Variants in PHACTR2 observed in about 807,000 individuals in gnomAD.
The protein encoded by PHACTR2 is phosphatase and actin regulator 2.
Under a neutral mutation model 76.0 loss-of-function variants are expected in PHACTR2, and 30 were observed. The observed-to-expected ratio is 0.39, with a 90% CI of 0.30 to 0.54. The LOEUF (loss-of-function observed/expected upper bound fraction) is 0.54, where lower values mean the gene tolerates loss of function less well. Among genes scored for constraint, PHACTR2 ranks in the 20% least tolerant of loss-of-function variants. The pLI is 0.61. For missense variants in PHACTR2, 696 were observed against 781.1 expected (o/e 0.89, Z 1.30); for synonymous variants, 292 against 292.5 (o/e 1.00, Z 0.02).
At chr6:143,721,827 A>G (rs1778451162) in intron 2 of PHACTR2, among the ~76,000 whole-genome samples, 1 of 152,112 alleles carries the variant, frequency 6.6e-6, no homozygotes, top group African/African-American at 2.4e-5. Context: ...GGCCCAGTGC[A>G]GGTGTGTGCT....
Position 143,621,832 on chromosome 6 carries a change from C to T in PHACTR2, c.13+13510C>T, listed in dbSNP as rs1776160544. 6.6e-6 allele frequency among the ~76,000 whole-genome samples: 1 copy of T among 152,192 alleles called. No individual in the cohort carries two copies. The highest frequency in any genetic ancestry group is 1.5e-5 in the Non-Finnish European group (1 of 68,028). On this transcript the variant is annotated intron_variant, in intron 1 of 11. Transcript: ENST00000305766. This position sits in a 1 kb window ranked among gnomAD's most constrained non-coding sequence, Gnocchi z 4.1. The stretch of plus-strand genomic sequence containing the variant: ...CTCATTTCTTCCTCTCAGCTACCTC[C>T]CAAGGTGATCACTTGGCCCCAGGTC...
chr6:143,768,771 G>A (rs188548755), intron 6 of PHACTR2, among the ~76,000 whole-genome samples: 1 of 152,242 alleles, frequency 6.6e-6, no homozygotes, highest in East Asian at 1.9e-4. Context: ...AGCCATTGAG[G>A]CTATTTATAA....
chr6:143,784,807 G>A lies in PHACTR2; in HGVS notation c.1707+1527G>A, dbSNP rs550764437. Among the ~76,000 whole-genome samples the A allele has an allele frequency of 1.3e-5, 2 of 152,184 alleles. No homozygotes were observed. The highest frequency in any genetic ancestry group is 3.9e-4 in the East Asian group (2 of 5,182). Reference sequence around the variant, plus strand: ...CGGCAAAAGAAAATGAGGAGGGGAAGCAAAACTGGAAACCCCTGATAAACA... The same window carrying A: ...CGGCAAAAGAAAATGAGGAGGGGAAACAAAACTGGAAACCCCTGATAAACA... On this transcript the variant is annotated intron_variant, in intron 10 of 12. Coordinates refer to ENST00000440869, the MANE Select transcript of PHACTR2 (RefSeq NM_001100164.2). The surrounding 1 kb of genome is among the most constrained non-coding windows in gnomAD (Gnocchi z 4.5).
chr6:143,715,634 C>G (rs1350211211), intron 2 of PHACTR2, among the ~76,000 whole-genome samples: 1 of 152,188 alleles, frequency 6.6e-6, no homozygotes, highest in Non-Finnish European at 1.5e-5. Flanking sequence ...TCATTCTAGA[C>G]AGGTAGGGTA....
At position 143,578,481 on chromosome 6, in the gene PHACTR2, T is replaced by C. The variant is rs1194588620; in HGVS notation, c.217+41274T>C. On this transcript the variant is annotated intron_variant, in intron 1 of 11. Coordinates refer to the PHACTR2 transcript ENST00000367584. The surrounding 1 kb of genome is among the most constrained non-coding windows in gnomAD (Gnocchi z 4.5). Reference sequence around the variant, plus strand: ...TTGTTCACTGCTCAAGAGCATTGACTGTGGGGAAGAATGGGGCCGAAATGC... The same window carrying C: ...TTGTTCACTGCTCAAGAGCATTGACCGTGGGGAAGAATGGGGCCGAAATGC... Among the ~76,000 whole-genome samples the C allele has an allele frequency of 1.3e-5, 2 of 152,146 alleles. No homozygotes were observed. The highest frequency in any genetic ancestry group is 2.9e-5 in the Non-Finnish European group (2 of 68,016).
intron 1 of PHACTR2, among the ~76,000 whole-genome samples, chr6:143,631,423 G>A (rs1456830886): frequency 1.3e-5 from 2 of 152,002 alleles, no homozygotes; most frequent in African/African-American, 4.8e-5. Flanking sequence ...TAAACTCATG[G>A]CCTCAGACAA....
chr6:143,779,348 CTTTT>C (rs985719804), intron 9 of PHACTR2, among the ~76,000 whole-genome samples: 1 of 138,618 alleles, frequency 7.2e-6, no homozygotes, highest in African/African-American at 2.6e-5. Context: ...ACTAGGTCAT[CTTTT>C]TTTTTTTTTT....
intron 1 of PHACTR2, among the ~76,000 whole-genome samples, chr6:143,670,111 A>G (rs1452186468): frequency 1.3e-5 from 2 of 152,218 alleles, no homozygotes; most frequent in African/African-American, 4.8e-5. Context: ...TATGAAGCTT[A>G]GTTTGGTTGG....
rs1253239277 is a variant in PHACTR2 at position 143,774,155 on chromosome 6, A to T, written c.1529A>T (p.Gln510Leu). 4.3e-6 allele frequency: 7 copies of T among 1,613,982 alleles called. No homozygotes were observed. Among genetic ancestry groups the T allele is most frequent in the Non-Finnish European group, 5.9e-6 (7 of 1,179,920 alleles). Residue 510 changes from glutamine (Q) to leucine (L), a missense_variant, in exon 8 of 13, where the codon CAG becomes CTG. By Grantham distance (113) the Gln-to-Leu change is moderately radical. Coordinates refer to ENST00000440869, the MANE Select transcript of PHACTR2 (RefSeq NM_001100164.2). The surrounding 1 kb of genome is among the most constrained non-coding windows in gnomAD (Gnocchi z 5.4). ...KKELEDKNIL[Q>L]RTSEEERQEI... ...GAACTAGAGGACAAAAACATCTTGCAGCGTACATCTGAAGAAGAGAGGCAG... is the reference window on the plus strand; with the variant it reads ...GAACTAGAGGACAAAAACATCTTGCTGCGTACATCTGAAGAAGAGAGGCAG...
chr6:143,676,736 A>G (rs1192227147), upstream of PHACTR2, among the ~76,000 whole-genome samples: 1 of 150,262 alleles, frequency 6.7e-6, no homozygotes, highest in Non-Finnish European at 1.5e-5. The surrounding 1 kb of genome is among the most constrained non-coding windows in gnomAD (Gnocchi z 4.8). Flanking sequence ...TAAATCCTCA[A>G]TTTCATTAAA....
intron 12 of PHACTR2, among the ~76,000 whole-genome samples, chr6:143,810,300 C>T (rs1267777433): frequency 6.6e-6 from 1 of 152,036 alleles, no homozygotes; most frequent in Non-Finnish European, 1.5e-5. Flanking sequence ...TGCACACATG[C>T]CAGTATTTCT....
rs1162712483 is a variant in PHACTR2, at chr6:143,743,642, C to CAGAGGGGCAA, written c.215-5343_215-5342insAGAGGGGCAA. ...TCTGACATTCTGTTTTCTGCAACTG[C>CAGAGGGGCAA]TATTGAAGAGGGGCAAAGCCGAGCC... On this transcript the variant is annotated intron_variant, in intron 2 of 12. Coordinates refer to ENST00000440869, the MANE Select transcript of PHACTR2 (RefSeq NM_001100164.2). The surrounding 1 kb of genome is among the most constrained non-coding windows in gnomAD (Gnocchi z 5.0). Among the ~76,000 whole-genome samples, 1 of 152,182 alleles carries CAGAGGGGCAA rather than the reference C, an allele frequency of 6.6e-6. No homozygotes were observed. The highest frequency in any genetic ancestry group is 1.9e-4 in the East Asian group (1 of 5,204).
In PHACTR2 at chr6:143,599,548, C is replaced by G. The variant is rs1484535143; in HGVS notation, c.217+62341C>G. On this transcript the variant is annotated intron_variant, in intron 1 of 11. Transcript: ENST00000367584. The surrounding 1 kb of genome is among the most constrained non-coding windows in gnomAD (Gnocchi z 4.6). ...CAATACATGTTTGATAAGAAGTAAC[C>G]CAACTTAACAAATGTCGTATTACTA... Among the ~76,000 whole-genome samples, 4 of 152,084 alleles carry G rather than the reference C, an allele frequency of 2.6e-5. No individual in the cohort carries two copies. Among genetic ancestry groups the G allele is most frequent in the African/African-American group, 7.2e-5 (3 of 41,420 alleles).
At chr6:143,675,463 T>C (rs1777225132), upstream of PHACTR2, among the ~76,000 whole-genome samples, 1 of 152,222 alleles carries the variant, frequency 6.6e-6, no homozygotes, top group African/African-American at 2.4e-5. This position sits in a 1 kb window ranked among gnomAD's most constrained non-coding sequence, Gnocchi z 4.9. Context: ...TTTTGCTAGC[T>C]GGTTGAAGGC....
intron 12 of PHACTR2, among the ~76,000 whole-genome samples, chr6:143,817,762 A>G (rs936491787): frequency 2.0e-5 from 3 of 152,252 alleles, no homozygotes; most frequent in Admixed American, 6.5e-5. Context: ...CAGAAAGATA[A>G]ACACCACACA....
rs558096856 is a variant in PHACTR2 at position 143,800,207 on chromosome 6, G to T, written c.1846-6850G>T. Among the ~76,000 whole-genome samples the T allele has an allele frequency of 6.6e-6, 1 of 152,184 alleles. No homozygotes were observed. Among genetic ancestry groups the T allele is most frequent in the South Asian group, 2.1e-4 (1 of 4,816 alleles). ...ATCAGAGACCAGGATTGCAACCTGTGCTATTTTTTTACTTTCTATTTGCTT... is the reference window on the plus strand; with the variant it reads ...ATCAGAGACCAGGATTGCAACCTGTTCTATTTTTTTACTTTCTATTTGCTT... On this transcript the variant is annotated intron_variant, in intron 11 of 12. Transcript: ENST00000440869. The surrounding 1 kb of genome is among the most constrained non-coding windows in gnomAD (Gnocchi z 4.8).
In PHACTR2 at chr6:143,760,006, A is replaced by G. The variant is rs1399827664; in HGVS notation, c.455-395A>G. ...AGTGACTGTAACGTGTTCATCTGCCACTCTCCAGGAGCCTTCAACTTTGTT... is the reference window on the plus strand; with the variant it reads ...AGTGACTGTAACGTGTTCATCTGCCGCTCTCCAGGAGCCTTCAACTTTGTT... On this transcript the variant is annotated intron_variant, in intron 4 of 12. Transcript: ENST00000440869. This position sits in a 1 kb window ranked among gnomAD's most constrained non-coding sequence, Gnocchi z 6.4. Among the ~76,000 whole-genome samples, 1 of 151,906 alleles carries G rather than the reference A, an allele frequency of 6.6e-6. No homozygotes were observed. The highest frequency in any genetic ancestry group is 1.5e-5 in the Non-Finnish European group (1 of 67,978).
At chr6:143,727,276 G>A (rs957846822) in intron 2 of PHACTR2, among the ~76,000 whole-genome samples, 2 of 150,008 alleles carry the variant, frequency 1.3e-5, no homozygotes, top group African/African-American at 5.0e-5. Context: ...TGCTGCAAAT[G>A]ACAGGATTTT....
At chr6:143,763,870 T>C (rs1455356899) in intron 5 of PHACTR2, among the ~76,000 whole-genome samples, 2 of 152,364 alleles carry the variant, frequency 1.3e-5, no homozygotes, top group African/African-American at 4.8e-5. Context: ...AGATGTTTTC[T>C]AATCGTTCTG....
Sources: gnomAD v4.1 joint callset for allele counts (sites outside exome capture counted in the v4.1 genomes callset) on GRCh38, gnomAD v4.1.1 for gene constraint, Gnocchi (gnomAD v3.1) non-coding constraint, MANE v1.5 for transcripts, NCBI Gene and HGNC (gene_info 2026-07-23, HGNC 2026-07-21) for gene names.